The following SPTBN2 variants were observed in gnomAD, a reference collection of about 807,000 sequenced individuals.
The protein encoded by SPTBN2 is spectrin beta, non-erythrocytic 2, also known as spectrin beta chain, non-erythrocytic 2.
SPTBN2 carries 107 observed loss-of-function variants against 284.2 expected under a neutral mutation model. That is an observed-to-expected ratio of 0.38 (90% confidence interval 0.32 to 0.44). SPTBN2 has a LOEUF of 0.44. Among genes scored for constraint, SPTBN2 ranks in the 20% least tolerant of loss-of-function variants. The pLI is 1.00. For synonymous variants in SPTBN2, 1,289 were observed against 1,354.8 expected (o/e 0.95, Z 1.07); for missense variants, 2,569 against 3,287.1 (o/e 0.78, Z 5.34).
Position 66,721,144 on chromosome 11 carries a change from A to T in SPTBN2, c.97T>A (p.Trp33Arg). The T allele has an allele frequency of 1.2e-6, 2 of 1,614,092 alleles. No individual in the cohort carries two copies. The highest frequency in any genetic ancestry group is 1.7e-6 in the Non-Finnish European group (2 of 1,180,024). Residue 33 changes from tryptophan to arginine, a missense_variant, in exon 3 of 38, where the codon TGG (tryptophan) becomes AGG (arginine). This residue lies in a region of SPTBN2 where 304 missense variants were observed against 522.1 expected (regional missense o/e 0.58). Transcript: ENST00000533211. Reference sequence around the variant, plus strand: ...CGGGCCGAGCTGCTGTCATTGTCCCAGTCCGAGTCAGGAAGGTCCCAGCGG... The same window carrying T: ...CGGGCCGAGCTGCTGTCATTGTCCCTGTCCGAGTCAGGAAGGTCCCAGCGG... ...NNRWDLPDSD[W>R]DNDSSSARLF...
rs1565148886 is a variant in SPTBN2 at position 66,713,754 on chromosome 11, G to A, written c.657-8C>T. 1.1e-5 allele frequency: 17 copies of A among 1,593,886 alleles called. No individual in the cohort carries two copies. Among genetic ancestry groups the A allele is most frequent in the Non-Finnish European group, 1.5e-5 (17 of 1,161,856 alleles). ...AAATCCAGCAGGTCTGGCCTGGGTG[G>A]GGAGGCAAGACAGAAGGGATCAGAA... On this transcript the variant is annotated splice_region_variant and splice_polypyrimidine_tract_variant and intron_variant, in intron 7 of 37. Transcript: ENST00000533211.
chr11:66,690,627 T>C (rs1940475151), intron 27 of SPTBN2, among the ~76,000 whole-genome samples: 1 of 152,202 alleles, frequency 6.6e-6, no homozygotes, highest in Admixed American at 6.5e-5. Flanking sequence ...TGATGGGTTC[T>C]AGTGGTTGAA....
intron 3 of SPTBN2, among the ~76,000 whole-genome samples, chr11:66,716,929 T>C (rs1377721104): frequency 6.6e-6 from 1 of 152,180 alleles, no homozygotes; most frequent in Admixed American, 6.5e-5. Flanking sequence ...GTATAGAGGC[T>C]GCAGGCCTCC....
intron 1 of SPTBN2, among the ~76,000 whole-genome samples, chr11:66,742,776 A>C (rs558014552): frequency 3.7e-4 from 56 of 152,138 alleles, no homozygotes; most frequent in African/African-American, 1.2e-3. Context: ...CGCCTGGCTA[A>C]TTTTTGTATT....
Position 66,698,762 on chromosome 11 carries a change from C to G in SPTBN2, c.3891G>C (p.Lys1297Asn). The G allele has an allele frequency of 6.2e-7, 1 of 1,614,016 alleles. No individual in the cohort carries two copies. The highest frequency in any genetic ancestry group is 1.1e-5 in the South Asian group (1 of 91,086). ...CHELKLWIDE[K>N]MLTAQDVSYD... ...AGGACACGTCCTGGGCTGTCAGCATCTTCTCGTCGATCCAGAGCTTCAGCT... is the reference window on the plus strand; with the variant it reads ...AGGACACGTCCTGGGCTGTCAGCATGTTCTCGTCGATCCAGAGCTTCAGCT... Residue 1297 changes from lysine to asparagine, a missense_variant, in exon 20 of 38, where the codon AAG becomes AAC. Around this residue, in one of 6 missense-constraint regions of SPTBN2, gnomAD observed 24 missense variants for 58.1 expected, o/e 0.41. Coordinates refer to ENST00000533211, the MANE Select transcript of SPTBN2 (RefSeq NM_006946.4).
upstream of SPTBN2, among the ~76,000 whole-genome samples, chr11:66,730,870 C>CA (rs1822758223): frequency 6.6e-6 from 1 of 152,176 alleles, no homozygotes; most frequent in Admixed American, 6.5e-5. Context: ...AGTGAATGTA[C>CA]AAGTTCACAG....
At chr11:66,688,414 TAAGAG>T (rs1940301371) in intron 31 of SPTBN2, 103 bp from the exon 32 acceptor site, 14 of 1,537,538 alleles carry the variant, frequency 9.1e-6, no homozygotes, top group Admixed American at 2.0e-5. Context: ...TGAAATATGA[TAAGAG>T]GAGAACAGAA....
chr11:66,703,615 T>C (rs1032137452), intron 15 of SPTBN2, among the ~76,000 whole-genome samples: 1 of 151,792 alleles, frequency 6.6e-6, no homozygotes, highest in Non-Finnish European at 1.5e-5. Flanking sequence ...TGGGTGCCTG[T>C]AGTCCCAGCT....
chr11:66,722,302 C>T (rs1392122731), intron 1 of SPTBN2, among the ~76,000 whole-genome samples: 19 of 152,050 alleles, frequency 1.2e-4, no homozygotes, highest in Admixed American at 1.3e-4. Flanking sequence ...TGGCTGGGCG[C>T]GGTGTCTCAC....
chr11:66,708,448 G>A lies in SPTBN2; in HGVS notation c.1192-149C>T, dbSNP rs1951088958. 2 of 800,184 alleles carry A rather than the reference G, an allele frequency of 2.5e-6. No homozygotes were observed. The highest frequency in any genetic ancestry group is 3.8e-6 in the Non-Finnish European group (2 of 520,744). 49.6% of individuals were successfully genotyped at this position (800,184 alleles called of 1,614,324 possible). On this transcript the variant is annotated intron_variant, in intron 11 of 37. Coordinates refer to ENST00000533211, the MANE Select transcript of SPTBN2 (RefSeq NM_006946.4). This position sits in a 1 kb window ranked among gnomAD's most constrained non-coding sequence, Gnocchi z 4.4. ...GCCTGGGCGTGGAAACAGGAAACAG[G>A]GCAGCGCTGGGAGTCTGTGAAGCCA...
Position 66,693,680 on chromosome 11 carries a change from A to G in SPTBN2, c.4593+92T>C. ...GCCACTGAAGTCCAGGGTTACACTC[A>G]GCATCGAGGGGGGCCTGGTCTTAAG... On this transcript the variant is annotated intron_variant, in intron 23 of 37. Transcript: ENST00000533211. This position sits in a 1 kb window ranked among gnomAD's most constrained non-coding sequence, Gnocchi z 5.7. 1 of 1,373,952 alleles carries G rather than the reference A, an allele frequency of 7.3e-7. No individual in the cohort carries two copies. Among genetic ancestry groups the G allele is most frequent in the Non-Finnish European group, 1.0e-6 (1 of 988,816 alleles). The allele number at this position is 1,373,952 out of a possible 1,614,324, so 85.1% of individuals were successfully genotyped here.
Position 66,712,589 on chromosome 11 carries a change from G to A in SPTBN2, c.772+1042C>T, listed in dbSNP as rs879654975. 2.0e-4 allele frequency: 30 copies of A among 151,440 alleles called. 1 individual carries two copies. Among genetic ancestry groups the A allele is most frequent in the African/African-American group, 2.4e-5 (1 of 41,196 alleles). The allele number at this position is 151,440 out of a possible 1,614,324, so 9.4% of individuals were successfully genotyped here. A position where few individuals can be genotyped will look rare whatever the true frequency, so the allele number is the denominator to read the frequency against. On this transcript the variant is annotated intron_variant, in intron 8 of 37. Coordinates refer to ENST00000533211, the MANE Select transcript of SPTBN2 (RefSeq NM_006946.4). ...CCCAGTGGCTGTTACTGATCTCATC[G>A]ATCTCATCGGCATTATGACCAGAAC... is the stretch of plus-strand genomic sequence containing the variant.
chr11:66,713,829 C>A, intron 7 of SPTBN2, 83 bp from the exon 8 acceptor site: 1 of 1,232,320 alleles, frequency 8.1e-7, no homozygotes, highest in South Asian at 1.2e-5. Context: ...ATCTTTATCC[C>A]TAAGTCACCG....
chr11:66,716,088 G>C (rs191453305), intron 3 of SPTBN2, 107 bp from the exon 4 acceptor site: 1 of 1,486,092 alleles, frequency 6.7e-7, no homozygotes, highest in African/African-American at 1.4e-5. Context: ...GATGGGAAGC[G>C]GGGTCCTCTA....
At position 66,685,652 on chromosome 11, in the gene SPTBN2, T is replaced by G. The variant is rs1324375340; in HGVS notation, c.*219A>C. On this transcript the variant is annotated 3_prime_UTR_variant, in exon 38 of 38. Transcript: ENST00000533211. The surrounding 1 kb of genome is among the most constrained non-coding windows in gnomAD (Gnocchi z 4.4). The stretch of plus-strand genomic sequence containing the variant: ...AGTCGGCGGGGGTGGGAGAGGGGGT[T>G]ACCTGGGTCCCACCACCAGTCTGGA... 8 of 575,114 alleles carry G rather than the reference T, an allele frequency of 1.4e-5. No homozygotes were observed. The highest frequency in any genetic ancestry group is 2.2e-5 in the Non-Finnish European group (7 of 319,074). The allele number at this position is 575,114 out of a possible 1,614,324, so 35.6% of individuals were successfully genotyped here. A position where few individuals can be genotyped will look rare whatever the true frequency, so the allele number is the denominator to read the frequency against.
chr11:66,687,721 T>C lies in SPTBN2; in HGVS notation c.6502-74A>G. 6.3e-7 allele frequency: 1 copy of C among 1,579,826 alleles called. No homozygotes were observed. The highest frequency in any genetic ancestry group is 8.6e-7 in the Non-Finnish European group (1 of 1,156,826). On this transcript the variant is annotated intron_variant, in intron 34 of 37. Transcript: ENST00000533211. This position sits in a 1 kb window ranked among gnomAD's most constrained non-coding sequence, Gnocchi z 5.2. ...AACCTGGGTGCCAGGAAGCTCCGTG[T>C]CCAGGAGTTGGTCTTCCTGCCCCCA...
At chr11:66,692,130 T>C (rs569167178) in intron 26 of SPTBN2, among the ~76,000 whole-genome samples, 2 of 152,194 alleles carry the variant, frequency 1.3e-5, no homozygotes, top group East Asian at 1.9e-4. Flanking sequence ...TGCTCTGGAG[T>C]GCACTAGCGC....
chr11:66,742,204 G>A (rs2135616748), intron 1 of SPTBN2, among the ~76,000 whole-genome samples: 2 of 152,270 alleles, frequency 1.3e-5, no homozygotes, highest in East Asian at 3.9e-4. Flanking sequence ...TTACAAAATT[G>A]GGAGAACTGC....
chr11:66,685,914 C>G lies in SPTBN2; in HGVS notation c.7130G>C (p.Arg2377Pro). ...VVLRSKDGREREREKRFSFFK... is the reference protein window; with the variant it reads ...VVLRSKDGREPEREKRFSFFK... ...GAAGCTGAAGCGTTTTTCTCGCTCT[C>G]GTTCTCTGCCGTCTTTGCTGCGGAG... The change falls in exon 38 of 38, where the codon CGA becomes CCA. Residue 2377 changes from arginine to proline, a missense_variant. This residue lies in a region of SPTBN2 where 1,130 missense variants were observed against 1,317.3 expected (regional missense o/e 0.86). Coordinates refer to ENST00000533211, the MANE Select transcript of SPTBN2 (RefSeq NM_006946.4). This position sits in a 1 kb window ranked among gnomAD's most constrained non-coding sequence, Gnocchi z 4.4. 1 of 1,613,936 alleles carries G rather than the reference C, an allele frequency of 6.2e-7. No individual in the cohort carries two copies. The highest frequency in any genetic ancestry group is 8.5e-7 in the Non-Finnish European group (1 of 1,180,024).
Sources: gnomAD v4.1 joint callset for allele counts (sites outside exome capture counted in the v4.1 genomes callset) on GRCh38, gnomAD v4.1.1 for gene constraint, gnomAD v4.1.1 regional missense constraint, Gnocchi (gnomAD v3.1) non-coding constraint, MANE v1.5 for transcripts, NCBI Gene and HGNC (gene_info 2026-07-23, HGNC 2026-07-21) for gene names.